GCNT2: variants seen among roughly 807,000 people sequenced by gnomAD.
The protein encoded by GCNT2 is glucosaminyl (N-acetyl) transferase 2 (I blood group).
A neutral mutation model predicts 34.2 loss-of-function variants in GCNT2; 34 were observed. The observed-to-expected ratio is 1.00, with a 90% CI of 0.76 to 1.32. GCNT2 has a LOEUF of 1.32. Among genes scored for constraint, GCNT2 ranks in the 40% most tolerant of loss-of-function variants. The probability of loss-of-function intolerance (pLI) is 0.00; values close to 1 mark genes in which losing one functional copy is unlikely to be tolerated. For synonymous variants in GCNT2, 212 were observed against 188.0 expected (o/e 1.13, Z -1.04); for missense variants, 584 against 489.4 (o/e 1.19, Z -1.82).
intron 1 of GCNT2, among the ~76,000 whole-genome samples, chr6:10,521,951 G>A (rs1387253534): frequency 6.6e-6 from 1 of 151,388 alleles, no homozygotes. Context: ...CCAGGCGAGA[G>A]TACGGTGGTG....
At chr6:10,561,237 A>G (rs1429857983) in intron 3 of GCNT2, among the ~76,000 whole-genome samples, 1 of 152,090 alleles carries the variant, frequency 6.6e-6, no homozygotes, top group Admixed American at 6.5e-5. Context: ...ATCTTGGCTC[A>G]CCGCAACCTC....
chr6:10,560,250 G>A lies in GCNT2; in HGVS notation c.925+30414G>A, dbSNP rs368981143. On this transcript the variant is annotated intron_variant, in intron 3 of 4. Coordinates refer to ENST00000495262, the MANE Select transcript of GCNT2 (RefSeq NM_145649.5). ...ATTATAGGCCCCCACCATCACGCCC[G>A]GTTAATTTTTTTGTATTTTAGTAGA... 5.9e-5 allele frequency among the ~76,000 whole-genome samples: 9 copies of A among 151,980 alleles called. No individual in the cohort carries two copies. The East Asian group carries it at 9.7e-4, about 16-fold the overall frequency.
intron 3 of GCNT2, among the ~76,000 whole-genome samples, chr6:10,555,162 A>C (rs2113653631): frequency 6.6e-6 from 1 of 152,298 alleles, no homozygotes; most frequent in South Asian, 2.1e-4. Context: ...GGAGTTGTTT[A>C]GGTCAGGTGA....
intron 3 of GCNT2, among the ~76,000 whole-genome samples, chr6:10,560,704 T>G (rs528009656): frequency 6.6e-6 from 1 of 152,194 alleles, no homozygotes; most frequent in South Asian, 2.1e-4. Context: ...GGGATATTCA[T>G]AGAAGTAGCA....
intron 3 of GCNT2, among the ~76,000 whole-genome samples, chr6:10,582,453 T>TA (rs1764155405): frequency 6.3e-5 from 8 of 127,528 alleles, no homozygotes; most frequent in South Asian, 4.4e-4. Context: ...TTATATAATA[T>TA]ATATAATAAA....
intron 3 of GCNT2, among the ~76,000 whole-genome samples, chr6:10,616,812 G>T (rs894595937): frequency 6.6e-6 from 1 of 152,146 alleles, no homozygotes; most frequent in African/African-American, 2.4e-5. Context: ...GACCCAACCA[G>T]AGTAACTAGA....
At chr6:10,530,960 A>G (rs1018022212) in intron 3 of GCNT2, among the ~76,000 whole-genome samples, 1 of 151,500 alleles carries the variant, frequency 6.6e-6, no homozygotes, top group Non-Finnish European at 1.5e-5. Context: ...AGGCTGAGGC[A>G]GTAGAATCGC....
chr6:10,560,387 G>T (rs1220519880), intron 3 of GCNT2, among the ~76,000 whole-genome samples: 1 of 152,086 alleles, frequency 6.6e-6, no homozygotes, highest in East Asian at 1.9e-4. Context: ...CACTGCGCCG[G>T]GCTGAGCTCT....
At chr6:10,612,528 C>CT (rs987506956) in intron 3 of GCNT2, among the ~76,000 whole-genome samples, 3 of 152,104 alleles carry the variant, frequency 2.0e-5, no homozygotes, top group African/African-American at 7.2e-5. Context: ...GAGAAAACTG[C>CT]TTTAGATTAT....
At chr6:10,598,394 T>A (rs1330110957) in intron 3 of GCNT2, among the ~76,000 whole-genome samples, 1 of 152,224 alleles carries the variant, frequency 6.6e-6, no homozygotes, top group Non-Finnish European at 1.5e-5. Flanking sequence ...CCACGGTATA[T>A]TAATGTCATG....
intron 3 of GCNT2, among the ~76,000 whole-genome samples, chr6:10,562,331 A>G (rs1736236966): frequency 6.6e-6 from 1 of 152,140 alleles, no homozygotes; most frequent in African/African-American, 2.4e-5. Flanking sequence ...CTTGCTTTTC[A>G]CAGTGGTTAC....
chr6:10,570,842 C>T (rs763550837), intron 3 of GCNT2, among the ~76,000 whole-genome samples: 1 of 152,148 alleles, frequency 6.6e-6, no homozygotes, highest in Non-Finnish European at 1.5e-5. Context: ...TTCTTCTCTC[C>T]CAGGATTTTG....
rs71548847 is a variant in GCNT2 at position 10,539,180 on chromosome 6, C to CTTTTTTTTTTTTTTTTT, written c.925+9354_925+9370dup. Among the ~76,000 whole-genome samples the CTTTTTTTTTTTTTTTTT allele has an allele frequency of 1.5e-4, 10 of 65,306 alleles. 1 individual carries two copies. Among genetic ancestry groups the CTTTTTTTTTTTTTTTTT allele is most frequent in the Non-Finnish European group, 2.8e-4 (10 of 36,198 alleles). 42.8% of individuals were successfully genotyped at this position (65,306 alleles called of 152,430 possible). ...AGCCTATCTCTACAGCTCACCGTCT[C>CTTTTTTTTTTTTTTTTT]TTTTTTTTTTTTTTTTTTTTTTTTT... On this transcript the variant is annotated intron_variant, in intron 3 of 4. Transcript: ENST00000495262.
chr6:10,588,844 G>A (rs1764474096), intron 3 of GCNT2, among the ~76,000 whole-genome samples: 1 of 149,666 alleles, frequency 6.7e-6, no homozygotes, highest in South Asian at 2.1e-4. Flanking sequence ...TGTGTGGTGT[G>A]TGTGTGGTGT....
intron 3 of GCNT2, among the ~76,000 whole-genome samples, chr6:10,563,323 CTA>C (rs1763098498): frequency 1.3e-5 from 2 of 152,158 alleles, no homozygotes; most frequent in Non-Finnish European, 2.9e-5. Flanking sequence ...TAATGTCACT[CTA>C]TTATATTTGG....
chr6:10,540,686 G>GTC (rs1276083401), intron 3 of GCNT2, among the ~76,000 whole-genome samples: 1 of 152,160 alleles, frequency 6.6e-6, no homozygotes, highest in Admixed American at 6.5e-5. Flanking sequence ...AAGAGAAATC[G>GTC]TCTGCATGTC....
In GCNT2 at chr6:10,626,841, T is replaced by C; in HGVS notation, c.*234T>C. 3.6e-6 allele frequency: 2 copies of C among 548,686 alleles called. No homozygotes were observed. Among genetic ancestry groups the C allele is most frequent in the Non-Finnish European group, 3.3e-6 (1 of 304,786 alleles). The allele number at this position is 548,686 out of a possible 1,614,324, so 34.0% of individuals were successfully genotyped here. A position where few individuals can be genotyped will look rare whatever the true frequency, so the allele number is the denominator to read the frequency against. On this transcript the variant is annotated 3_prime_UTR_variant, in exon 5 of 5. Coordinates refer to ENST00000495262, the MANE Select transcript of GCNT2 (RefSeq NM_145649.5). ...GGCCAATTTTAGTCTTGCTGTTTCT[T>C]GATGCTCACCTCTATATTAGTTTAT...
intron 3 of GCNT2, among the ~76,000 whole-genome samples, chr6:10,579,831 A>AC (rs1186548168): frequency 1.4e-5 from 2 of 143,978 alleles, no homozygotes; most frequent in African/African-American, 2.8e-5. Context: ...ACAAACAAAA[A>AC]AAAAAAAAAA....
chr6:10,565,021 A>G (rs1763214501), intron 3 of GCNT2, among the ~76,000 whole-genome samples: 1 of 152,234 alleles, frequency 6.6e-6, no homozygotes, highest in Non-Finnish European at 1.5e-5. Flanking sequence ...CTTCTTGGCA[A>G]TGGTAGCACA....
Sources: gnomAD v4.1 joint callset for allele counts (sites outside exome capture counted in the v4.1 genomes callset) on GRCh38, gnomAD v4.1.1 for gene constraint, MANE v1.5 for transcripts, NCBI Gene and HGNC (gene_info 2026-07-23, HGNC 2026-07-21) for gene names.